The following KMT2C variants were observed in gnomAD, a reference collection of about 807,000 sequenced individuals.
KMT2C encodes the protein histone-lysine N-methyltransferase 2C.
Under a neutral mutation model 507.9 loss-of-function variants are expected in KMT2C, and 88 were observed. That is an observed-to-expected ratio of 0.17 (90% CI 0.15 to 0.21). The LOEUF is 0.21. Among genes scored for constraint, KMT2C ranks in the 10% least tolerant of loss-of-function variants. KMT2C has a pLI of 1.00. For missense variants in KMT2C, 4,954 were observed against 5,957.8 expected (o/e 0.83, Z 5.55); for synonymous variants, 2,049 against 2,080.8 (o/e 0.98, Z 0.42).
In KMT2C at chr7:152,176,593, A is replaced by G. The variant is rs2129113310; in HGVS notation, c.8860T>C (p.Leu2954=). ...PASPSNHVSS[L]PPFIAPPGRV... ...CCAGGCGGTGCTATGAAAGGAGGCA[A>G]ACTTGACACATGATTGGATGGGGAG... Residue 2954 remains leucine, a synonymous_variant, in exon 38 of 59, where the codon TTG becomes CTG. Transcript: ENST00000262189. The G allele has an allele frequency of 6.2e-7, 1 of 1,614,172 alleles. No individual in the cohort carries two copies. The highest frequency in any genetic ancestry group is 8.5e-7 in the Non-Finnish European group (1 of 1,180,034).
chr7:152,229,097 G>A (rs1485848069), intron 18 of KMT2C, among the ~76,000 whole-genome samples: 1 of 152,166 alleles, frequency 6.6e-6, no homozygotes, highest in East Asian at 1.9e-4. Flanking sequence ...TTGAAGGGCA[G>A]GGGAGAAAGG....
intron 2 of KMT2C, among the ~76,000 whole-genome samples, chr7:152,353,976 G>GGTTT (rs10633460): frequency 0.12 from 18,250 of 152,002 alleles, 2,743 homozygotes; most frequent in African/African-American, 0.35. Context: ...ACTCTGTCTG[G>GGTTT]ATTTGCAGGT....
intron 23 of KMT2C, among the ~76,000 whole-genome samples, chr7:152,217,387 G>C (rs2094611899): frequency 6.6e-6 from 1 of 152,010 alleles, no homozygotes; most frequent in Non-Finnish European, 1.5e-5. Context: ...TTTTTAAAAG[G>C]GATTTTTATT....
chr7:152,372,011 A>G (rs1381540874), intron 1 of KMT2C, among the ~76,000 whole-genome samples: 8 of 152,144 alleles, frequency 5.3e-5, no homozygotes, highest in Non-Finnish European at 1.0e-4. Flanking sequence ...TCGTCAAATC[A>G]CAAAGGAAGA....
intron 1 of KMT2C, among the ~76,000 whole-genome samples, chr7:152,379,608 C>CA (rs1342470770): frequency 7.0e-6 from 1 of 143,688 alleles, no homozygotes; most frequent in African/African-American, 2.4e-5. Context: ...CCCAGCTACT[C>CA]AGAGGCTGAA....
At chr7:152,348,308 T>C (rs986756052) in intron 2 of KMT2C, among the ~76,000 whole-genome samples, 3 of 151,964 alleles carry the variant, frequency 2.0e-5, no homozygotes, top group Non-Finnish European at 4.4e-5. Context: ...AGATAAAGCA[T>C]AGGGAAGGCC....
chr7:152,196,681 G>GA (rs1195963726), intron 27 of KMT2C, among the ~76,000 whole-genome samples: 1 of 152,092 alleles, frequency 6.6e-6, no homozygotes, highest in Non-Finnish European at 1.5e-5. Flanking sequence ...GCTATTTAAA[G>GA]AAAAAACAAG....
intron 39 of KMT2C, among the ~76,000 whole-genome samples, chr7:152,173,721 C>T (rs1042046845): frequency 2.6e-5 from 4 of 152,038 alleles, no homozygotes; most frequent in Non-Finnish European, 5.9e-5. Flanking sequence ...GATTCAAAAC[C>T]GGTTTGGGAA....
intron 2 of KMT2C, among the ~76,000 whole-genome samples, chr7:152,332,628 C>A (rs1391277861): frequency 1.3e-5 from 2 of 152,128 alleles, no homozygotes; most frequent in African/African-American, 4.8e-5. Flanking sequence ...GGCGGATAAC[C>A]TGAGGTCCAG....
chr7:152,282,911 C>T, intron 6 of KMT2C, among the ~76,000 whole-genome samples: 1 of 151,134 alleles, frequency 6.6e-6, no homozygotes, highest in East Asian at 2.0e-4. Context: ...TAGATAAAAA[C>T]TCAACTTTTA....
chr7:152,213,988 A>C (rs189182511), intron 23 of KMT2C, among the ~76,000 whole-genome samples: 1 of 152,172 alleles, frequency 6.6e-6, no homozygotes, highest in South Asian at 2.1e-4. Flanking sequence ...CATCATAATC[A>C]TGAGAAAAAT....
intron 26 of KMT2C, among the ~76,000 whole-genome samples, chr7:152,200,494 C>T (rs2094104237): frequency 6.6e-6 from 1 of 151,974 alleles, no homozygotes; most frequent in Non-Finnish European, 1.5e-5. Flanking sequence ...TTTGGGAGGC[C>T]GAGGTAGGTG....
At chr7:152,274,833 A>G (rs993996007) in intron 6 of KMT2C, among the ~76,000 whole-genome samples, 10 of 152,196 alleles carry the variant, frequency 6.6e-5, no homozygotes, top group African/African-American at 1.2e-4. Context: ...AGATCCTTCA[A>G]TTGAGGCACC....
In KMT2C at chr7:152,136,562, AAAAAGAAAAGG is replaced by A. The variant is rs1297682548; in HGVS notation, c.*259_*269del. ...AAACAAAACAAAAAACAAACAAAAA[AAAAAGAAAAGG>A]AAAAGAAAAAAAAGCAAAAGTGCTG... On this transcript the variant is annotated 3_prime_UTR_variant, in exon 59 of 59. Coordinates refer to ENST00000262189, the MANE Select transcript of KMT2C (RefSeq NM_170606.3). The A allele has an allele frequency of 5.4e-6, 2 of 372,720 alleles. No homozygotes were observed. Among genetic ancestry groups the A allele is most frequent in the Non-Finnish European group, 9.7e-6 (2 of 206,582 alleles). The allele number at this position is 372,720 out of a possible 1,614,324, so 23.1% of individuals were successfully genotyped here. A position where few individuals can be genotyped will look rare whatever the true frequency, so the allele number is the denominator to read the frequency against.
intron 9 of KMT2C, among the ~76,000 whole-genome samples, chr7:152,255,367 T>C (rs1205932528): frequency 6.6e-6 from 1 of 151,612 alleles, no homozygotes; most frequent in Admixed American, 6.6e-5. Flanking sequence ...AGTTTCACCA[T>C]ATTGCCCAGG....
intron 55 of KMT2C, among the ~76,000 whole-genome samples, chr7:152,143,653 C>T (rs566612414): frequency 2.6e-5 from 4 of 152,242 alleles, no homozygotes; most frequent in East Asian, 1.9e-4. Context: ...ATTTCTCAGA[C>T]GGAAGGTCAC....
chr7:152,234,158 C>T (rs2095209188), intron 16 of KMT2C, among the ~76,000 whole-genome samples: 1 of 145,096 alleles, frequency 6.9e-6, no homozygotes, highest in Non-Finnish European at 1.5e-5. Flanking sequence ...GAGGCCGAGG[C>T]AGGTGGATCA....
chr7:152,181,704 G>C lies in KMT2C; in HGVS notation c.6156C>G (p.Ser2052=), dbSNP rs1306581865. The C allele has an allele frequency of 2.5e-6, 4 of 1,614,036 alleles. No homozygotes were observed. The highest frequency in any genetic ancestry group is 2.5e-6 in the Non-Finnish European group (3 of 1,180,044). ...ACACTGATCCATAAGGATCCTGAGA[G>C]GATGGAGGAGGTTGCATTGGAGTCT... is the stretch of plus-strand genomic sequence containing the variant. ...PFKTPMQPPP[S]SQDPYGSVSQ... The change falls in exon 36 of 59, where the codon TCC becomes TCG. Residue 2052 remains serine (S), a synonymous_variant. Coordinates refer to ENST00000262189, the MANE Select transcript of KMT2C (RefSeq NM_170606.3).
intron 31 of KMT2C, 67 bp downstream of exon 31, chr7:152,193,942 T>C: frequency 1.5e-6 from 2 of 1,361,028 alleles, no homozygotes; most frequent in Non-Finnish European, 1.9e-6. Context: ...TGCTTGTGTG[T>C]GTATATGTAC....
Sources: allele counts gnomAD v4.1 joint callset (sites outside exome capture counted in the v4.1 genomes callset), GRCh38; gene constraint gnomAD v4.1.1; transcripts MANE v1.5; gene names NCBI Gene and HGNC (gene_info 2026-07-23, HGNC 2026-07-21).